PPFIA2: variants seen among roughly 807,000 people sequenced by gnomAD.
PPFIA2 encodes liprin-alpha-2.
A neutral mutation model predicts 175.5 loss-of-function variants in PPFIA2; 46 were observed. That is an observed-to-expected ratio of 0.26 (90% CI 0.21 to 0.34). The LOEUF is 0.34. Among genes scored for constraint, PPFIA2 ranks in the 10% least tolerant of loss-of-function variants. PPFIA2 has a pLI of 1.00. For synonymous variants in PPFIA2, 568 were observed against 511.4 expected, an observed-to-expected ratio of 1.11 and a Z score of -1.49; for missense variants, 1,179 against 1,506.1, an observed-to-expected ratio of 0.78 and a Z score of 3.60.
chr12:81,436,399 C>G (rs1430979782), intron 7 of PPFIA2, among the ~76,000 whole-genome samples: 2 of 139,012 alleles, frequency 1.4e-5, no homozygotes, highest in Admixed American at 1.5e-4. Context: ...AGGACTTTTG[C>G]TCTGGTTCCT....
intron 7 of PPFIA2, among the ~76,000 whole-genome samples, chr12:81,410,112 T>TGGAA (rs1476489065): frequency 3.3e-5 from 5 of 152,150 alleles, no homozygotes; most frequent in African/African-American, 1.2e-4. Flanking sequence ...GGTGCCATAA[T>TGGAA]GGAAGTAGAA....
At chr12:81,537,802 G>C (rs953460523) in intron 4 of PPFIA2, among the ~76,000 whole-genome samples, 2 of 151,782 alleles carry the variant, frequency 1.3e-5, no homozygotes, top group Non-Finnish European at 2.9e-5. Flanking sequence ...TGTTCAATCT[G>C]AACAAAAGAT....
At chr12:81,436,279 T>TAAAAAAAAAAAAAAAA (rs763809833) in intron 7 of PPFIA2, among the ~76,000 whole-genome samples, 1 of 44,810 alleles carries the variant, frequency 2.2e-5, no homozygotes, top group Non-Finnish European at 4.3e-5. Flanking sequence ...AGACCCTGTC[T>TAAAAAAAAAAAAAAAA]AAAAAAAAAA....
chr12:81,543,151 T>A (rs1227032101), intron 4 of PPFIA2, among the ~76,000 whole-genome samples: 1 of 152,140 alleles, frequency 6.6e-6, no homozygotes, highest in Non-Finnish European at 1.5e-5. Flanking sequence ...GCCTAGCTGT[T>A]GGTTTCTAAC....
chr12:81,742,066 C>T (rs368888570), intron 3 of PPFIA2, among the ~76,000 whole-genome samples: 4 of 152,184 alleles, frequency 2.6e-5, no homozygotes, highest in South Asian at 4.1e-4. Flanking sequence ...ATCCCTGACC[C>T]GTTGGACAGC....
At chr12:81,265,687 T>A (rs937617766) in intron 30 of PPFIA2, among the ~76,000 whole-genome samples, 36 of 152,314 alleles carry the variant, frequency 2.4e-4, no homozygotes, top group African/African-American at 8.7e-4. Context: ...GCAGCATAGT[T>A]TAAAGACAAC....
At chr12:81,545,271 G>A (rs374470988) in intron 4 of PPFIA2, 3 of 152,184 alleles carry the variant, frequency 2.0e-5, no homozygotes, top group East Asian at 3.9e-4. Flanking sequence ...TAAATATAAA[G>A]TGAAGAAAAA....
intron 3 of PPFIA2, among the ~76,000 whole-genome samples, chr12:81,728,169 T>C (rs1286440851): frequency 2.0e-5 from 3 of 151,476 alleles, no homozygotes; most frequent in Non-Finnish European, 1.5e-5. Flanking sequence ...ACACAGTCTC[T>C]GCTGGTTTGG....
At chr12:81,377,258 T>C (rs972273362) in intron 9 of PPFIA2, among the ~76,000 whole-genome samples, 3 of 152,044 alleles carry the variant, frequency 2.0e-5, no homozygotes, top group African/African-American at 7.2e-5. Context: ...TAAAAAGTAA[T>C]AGATCAGCCA....
intron 4 of PPFIA2, among the ~76,000 whole-genome samples, chr12:81,474,967 C>A (rs1343814203): frequency 6.6e-6 from 1 of 152,070 alleles, no homozygotes; most frequent in Non-Finnish European, 1.5e-5. Context: ...TAGAATAATA[C>A]ACAACACAAA....
Position 81,259,629 on chromosome 12 carries a change from A to T in PPFIA2, c.*65T>A. 6.5e-7 allele frequency: 1 copy of T among 1,533,894 alleles called. No individual in the cohort carries two copies. Among genetic ancestry groups the T allele is most frequent in the Non-Finnish European group, 8.7e-7 (1 of 1,145,088 alleles). On this transcript the variant is annotated 3_prime_UTR_variant, in exon 33 of 33. Transcript: ENST00000549396. ...TGCTCGTCTTCTTAGATGGTAGTGCACTTTAGGTAGAGTAGACTGAAAAGA... is the reference window on the plus strand; with the variant it reads ...TGCTCGTCTTCTTAGATGGTAGTGCTCTTTAGGTAGAGTAGACTGAAAAGA...
chr12:81,525,226 T>C (rs899226293), intron 4 of PPFIA2, among the ~76,000 whole-genome samples: 5 of 152,182 alleles, frequency 3.3e-5, no homozygotes, highest in South Asian at 4.1e-4. Flanking sequence ...TGGTATTTTT[T>C]CCTCTGGTGT....
chr12:81,301,146 G>A (rs1044887110), intron 22 of PPFIA2, among the ~76,000 whole-genome samples: 8 of 152,024 alleles, frequency 5.3e-5, no homozygotes, highest in African/African-American at 1.9e-4. Context: ...GTAGGAAAGA[G>A]GTGGGGATGG....
At chr12:81,292,402 C>T (rs1305587605) in intron 24 of PPFIA2, 2 of 152,108 alleles carry the variant, frequency 1.3e-5, no homozygotes, top group African/African-American at 4.8e-5. Context: ...AGACTTTCTT[C>T]TGCCACTGCC....
chr12:81,654,650 G>A (rs1044045764), intron 4 of PPFIA2, among the ~76,000 whole-genome samples: 5 of 152,044 alleles, frequency 3.3e-5, no homozygotes, highest in African/African-American at 4.8e-5. Flanking sequence ...AAAGGAGACC[G>A]TAAGCTCCAG....
intron 22 of PPFIA2, among the ~76,000 whole-genome samples, chr12:81,318,284 C>A (rs73157818): frequency 3.4e-4 from 52 of 151,740 alleles, no homozygotes; most frequent in Non-Finnish European, 6.7e-4. Context: ...AACACAATAC[C>A]CAGCTACAAT....
rs575692311 is a variant in PPFIA2, at chr12:81,339,315, C to G, written c.2413G>C (p.Glu805Gln). The G allele has an allele frequency of 1.9e-5, 31 of 1,593,352 alleles. No homozygotes were observed. The South Asian group carries it at 3.3e-4, about 17-fold the overall frequency. ...CTACCAAGCCCGAGGCTTTCTGGCT[C>G]AAGAGAGACAGATAAACTACTGCAA... ...DARSSLSVSL[E>Q]PESLGLGSAN... is the part of the protein sequence containing the mutation. Residue 805 changes from glutamate (E) to glutamine (Q), a missense_variant, in exon 21 of 33, where the codon GAG becomes CAG. Coordinates refer to ENST00000549396, the MANE Select transcript of PPFIA2 (RefSeq NM_003625.5).
At chr12:81,663,818 A>G (rs1258917668) in intron 4 of PPFIA2, among the ~76,000 whole-genome samples, 4 of 152,224 alleles carry the variant, frequency 2.6e-5, no homozygotes, top group African/African-American at 9.6e-5. Context: ...CCAAAACAGC[A>G]TGGTACTGGT....
chr12:81,411,485 T>C (rs780446719), intron 7 of PPFIA2, among the ~76,000 whole-genome samples: 3 of 152,068 alleles, frequency 2.0e-5, no homozygotes, highest in Non-Finnish European at 4.4e-5. Flanking sequence ...CTTGCCTCTG[T>C]CAGGTTGATT....
Sources: gnomAD v4.1 joint callset for allele counts (sites outside exome capture counted in the v4.1 genomes callset) on GRCh38, gnomAD v4.1.1 for gene constraint, MANE v1.5 for transcripts, NCBI Gene and HGNC (gene_info 2026-07-23, HGNC 2026-07-21) for gene names.